ARF1: variants seen among roughly 807,000 people sequenced by gnomAD.
ARF1 encodes the protein ADP-ribosylation factor 1.
ARF1 carries 1 observed loss-of-function variant against 18.0 expected under a neutral mutation model. That is an observed-to-expected ratio of 0.06 (90% CI 0.02 to 0.26). The LOEUF is 0.26. Ranked by LOEUF, ARF1 falls within the 10% of genes least tolerant of loss-of-function variation. ARF1 has a pLI of 1.00. For synonymous variants in ARF1, 112 were observed against 96.3 expected, an observed-to-expected ratio of 1.16 and a Z score of -0.95; for missense variants, 73 against 247.2, an observed-to-expected ratio of 0.30 and a Z score of 4.73.
intron 1 of ARF1, among the ~76,000 whole-genome samples, chr1:228,095,647 C>G (rs1287313666): frequency 1.3e-5 from 2 of 152,182 alleles, no homozygotes; most frequent in Admixed American, 6.5e-5. Context: ...CTAGGCAGTC[C>G]CAGCTTCATC....
rs905186158 is a variant in ARF1, at chr1:228,089,748, CT to C, written c.-38+6993del. Among the ~76,000 whole-genome samples the C allele has an allele frequency of 1.1e-4, 16 of 149,422 alleles. No individual in the cohort carries two copies. The South Asian group carries it at 1.7e-3, about 16-fold the overall frequency. On this transcript the variant is annotated intron_variant, in intron 1 of 4. Coordinates refer to ENST00000272102, the MANE Select transcript of ARF1 (RefSeq NM_001658.4). This position sits in a 1 kb window ranked among gnomAD's most constrained non-coding sequence, Gnocchi z 4.1. ...CCAGCAGTGTGCTGTTCCAGTTCCC[CT>C]TTTTTTTTTCAAGTGGTGTAGAAAG...
In ARF1 at chr1:228,098,164, C is replaced by T. The variant is rs964274745; in HGVS notation, c.*151C>T. 7.8e-6 allele frequency: 7 copies of T among 899,534 alleles called. No homozygotes were observed. Among genetic ancestry groups the T allele is most frequent in the East Asian group, 5.8e-5 (2 of 34,242 alleles). The allele number at this position is 899,534 out of a possible 1,614,324, so 55.7% of individuals were successfully genotyped here. A position where few individuals can be genotyped will look rare whatever the true frequency, so the allele number is the denominator to read the frequency against. On this transcript the variant is annotated 3_prime_UTR_variant, in exon 5 of 5. Coordinates refer to ENST00000272102, the MANE Select transcript of ARF1 (RefSeq NM_001658.4). ...CTGTAAATGTGGCAGACGCAGCCTG[C>T]GGCCAGGCTTTTTATTTAATGTAAA...
chr1:228,084,020 T>C (rs377369193), intron 1 of ARF1, among the ~76,000 whole-genome samples: 6 of 152,218 alleles, frequency 3.9e-5, no homozygotes, highest in African/African-American at 1.4e-4. Flanking sequence ...GTCAGCAGTT[T>C]TCTTTGCCGG....
At chr1:228,095,770 T>A (rs960791334) in intron 1 of ARF1, among the ~76,000 whole-genome samples, 4 of 152,214 alleles carry the variant, frequency 2.6e-5, no homozygotes, top group African/African-American at 9.6e-5. Flanking sequence ...GTGTCTTCAT[T>A]GGTAGTGGTT....
chr1:228,085,184 T>C lies in ARF1; in HGVS notation c.-38+2419T>C, dbSNP rs868552830. On this transcript the variant is annotated intron_variant, in intron 1 of 4. Transcript: ENST00000272102. ...GCTCCTCATTGGCGTGGATGGTTGG[T>C]AGGGGCATTCTGCCCGTAGCGTCTG... Among the ~76,000 whole-genome samples the C allele has an allele frequency of 9.8e-5, 15 of 152,378 alleles. 1 individual carries two copies. The highest frequency in any genetic ancestry group is 6.8e-3 in the Middle Eastern group (2 of 294).
chr1:228,097,445 C>T lies in ARF1; in HGVS notation c.252C>T (p.Asn84=), dbSNP rs1298460487. Residue 84 remains asparagine, a synonymous_variant, in exon 3 of 5, where the codon AAC becomes AAT. Transcript: ENST00000272102. This position sits in a 1 kb window ranked among gnomAD's most constrained non-coding sequence, Gnocchi z 8.1. ...CCCTGTGGCGCCACTACTTCCAGAACACACAAGGTAAGTGGCTGGGGCCTG... is the reference window on the plus strand; with the variant it reads ...CCCTGTGGCGCCACTACTTCCAGAATACACAAGGTAAGTGGCTGGGGCCTG... ...IRPLWRHYFQ[N]TQGLIFVVDS... is the part of the protein sequence containing the mutation. The T allele has an allele frequency of 1.2e-6, 2 of 1,614,090 alleles. No individual in the cohort carries two copies.
At chr1:228,096,869 AAC>A (rs1445503196) in intron 1 of ARF1, among the ~76,000 whole-genome samples, 1 of 152,210 alleles carries the variant, frequency 6.6e-6, no homozygotes, top group African/African-American at 2.4e-5. Context: ...AGATGAGGGC[AAC>A]AGTTTCTCAA....
intron 1 of ARF1, among the ~76,000 whole-genome samples, chr1:228,093,955 CAAAA>C (rs869199671): frequency 0.023 from 1,165 of 51,134 alleles, 22 homozygotes; most frequent in East Asian, 0.14. Context: ...GACTCTGTCT[CAAAA>C]AAAAAAAAAA....
At chr1:228,088,106 C>G (rs1192144886) in intron 1 of ARF1, 2 of 152,282 alleles carry the variant, frequency 1.3e-5, no homozygotes, top group Non-Finnish European at 2.9e-5. Flanking sequence ...GCATGAGGCT[C>G]CACGGGGGCA....
intron 1 of ARF1, among the ~76,000 whole-genome samples, chr1:228,084,146 C>CT (rs1310790332): frequency 1.3e-5 from 2 of 152,228 alleles, no homozygotes; most frequent in African/African-American, 2.4e-5. Context: ...TAGCCATTGT[C>CT]TAACACGTGT....
At chr1:228,093,955 C>CA (rs869199671) in intron 1 of ARF1, among the ~76,000 whole-genome samples, 3,528 of 49,844 alleles carry the variant, frequency 0.071, 161 homozygotes, top group African/African-American at 0.084. Context: ...GACTCTGTCT[C>CA]AAAAAAAAAA....
intron 1 of ARF1, chr1:228,088,227 G>A (rs1164583132): frequency 1.3e-5 from 2 of 152,608 alleles, no homozygotes; most frequent in Middle Eastern, 3.2e-3. Flanking sequence ...GGTGCCATGT[G>A]AGCAGAGATG....
At chr1:228,092,114 T>C (rs191471860) in intron 1 of ARF1, among the ~76,000 whole-genome samples, 33 of 152,320 alleles carry the variant, frequency 2.2e-4, no homozygotes, top group Non-Finnish European at 4.1e-4. Flanking sequence ...ATGTGTGTAA[T>C]TTATCTGTCA....
At chr1:228,095,002 C>T (rs1355794960) in intron 1 of ARF1, among the ~76,000 whole-genome samples, 2 of 152,134 alleles carry the variant, frequency 1.3e-5, no homozygotes, top group African/African-American at 4.8e-5. Flanking sequence ...CCCGTAATTT[C>T]GTACGTTCTT....
In ARF1 at chr1:228,095,281, T is replaced by TG. The variant is rs1375475529; in HGVS notation, c.-37-1791dup. On this transcript the variant is annotated intron_variant, in intron 1 of 4. Transcript: ENST00000272102. ...AAAGGCAGACAGGCCTGTCTCTTGGTGGGGGGTGGGGGTGGGCGGAGCTCC... is the reference window on the plus strand; with the variant it reads ...AAAGGCAGACAGGCCTGTCTCTTGGTGGGGGGGTGGGGGTGGGCGGAGCTCC... Among the ~76,000 whole-genome samples, 3 of 14,372 alleles carry TG rather than the reference T, an allele frequency of 2.1e-4. No individual in the cohort carries two copies. In the East Asian group the frequency reaches 7.0e-3, roughly 34 times the overall value. The allele number at this position is 14,372 out of a possible 152,430, so 9.4% of individuals were successfully genotyped here.
At chr1:228,092,354 G>A (rs1248905801) in intron 1 of ARF1, among the ~76,000 whole-genome samples, 1 of 152,180 alleles carries the variant, frequency 6.6e-6, no homozygotes, top group Non-Finnish European at 1.5e-5. Flanking sequence ...AGGCTGAGGT[G>A]GGAGGTTCGC....
chr1:228,090,365 C>T (rs1056948000), intron 1 of ARF1: 2 of 152,268 alleles, frequency 1.3e-5, no homozygotes, highest in Non-Finnish European at 2.9e-5. Flanking sequence ...GGGCACCAAA[C>T]TGACCTCAAA....
At chr1:228,084,188 A>T (rs1215873638) in intron 1 of ARF1, among the ~76,000 whole-genome samples, 1 of 152,158 alleles carries the variant, frequency 6.6e-6, no homozygotes, top group Non-Finnish European at 1.5e-5. Flanking sequence ...ATTTAATTTG[A>T]ATTTTCACCA....
intron 1 of ARF1, among the ~76,000 whole-genome samples, chr1:228,095,337 A>G (rs926714906): frequency 6.6e-6 from 1 of 151,752 alleles, no homozygotes; most frequent in Admixed American, 6.6e-5. Flanking sequence ...GCTGGGGCAT[A>G]TAGAACTCTC....
Sources: allele counts gnomAD v4.1 joint callset (sites outside exome capture counted in the v4.1 genomes callset), GRCh38; gene constraint gnomAD v4.1.1; non-coding constraint Gnocchi (gnomAD v3.1); transcripts MANE v1.5; gene names NCBI Gene and HGNC (gene_info 2026-07-23, HGNC 2026-07-21).